The following ACSL5 variants were observed in gnomAD, a reference collection of about 807,000 sequenced individuals.
The protein encoded by ACSL5 is long-chain-fatty-acid--CoA ligase 5.
Under a neutral mutation model 84.9 loss-of-function variants are expected in ACSL5, and 50 were observed. The ratio of observed to expected loss-of-function variants is 0.59; its 90% confidence interval spans 0.47 to 0.75. The LOEUF (loss-of-function observed/expected upper bound fraction) is 0.75, where lower values mean the gene tolerates loss of function less well. Ranked by LOEUF, ACSL5 falls within the 30% of genes least tolerant of loss-of-function variation. The probability of loss-of-function intolerance (pLI) is 0.00; values close to 1 mark genes in which losing one functional copy is unlikely to be tolerated. For synonymous variants in ACSL5, 280 were observed against 300.7 expected, an observed-to-expected ratio of 0.93 and a Z score of 0.71; for missense variants, 775 against 830.4, an observed-to-expected ratio of 0.93 and a Z score of 0.82.
At chr10:112,422,302 C>A in intron 16 of ACSL5, 23 bp from the exon 17 acceptor site, 2 of 1,598,320 alleles carry the variant, frequency 1.3e-6, no homozygotes, top group Non-Finnish European at 1.7e-6. Context: ...CTATTGTCAC[C>A]GCCTTGTATG....
chr10:112,406,722 A>G (rs1844046670), intron 5 of ACSL5: 1 of 152,264 alleles, frequency 6.6e-6, no homozygotes, highest in Non-Finnish European at 1.5e-5. Context: ...ACAGTTCTGC[A>G]GTGCTGGGGA....
rs559285231 is a variant in ACSL5, at chr10:112,392,229, C to T, written c.-29-2689C>T. Among the ~76,000 whole-genome samples the T allele has an allele frequency of 1.4e-3, 218 of 151,428 alleles. 1 individual carries two copies. Among genetic ancestry groups the T allele is most frequent in the African/African-American group, 5.1e-3 (209 of 41,234 alleles). ...GCTCACACCTGTAATCCCAGCACTTCGGGAGGCCAAGGTGGGAGGACCACT... is the reference window on the plus strand; with the variant it reads ...GCTCACACCTGTAATCCCAGCACTTTGGGAGGCCAAGGTGGGAGGACCACT... On this transcript the variant is annotated intron_variant, in intron 1 of 20. Coordinates refer to ENST00000354655, the MANE Select transcript of ACSL5 (RefSeq NM_203379.2).
At position 112,386,181 on chromosome 10, in the gene ACSL5, C is replaced by CTTTTTTTTT. The variant is rs11286757; in HGVS notation, c.-29-8715_-29-8707dup. 5.8e-4 allele frequency among the ~76,000 whole-genome samples: 42 copies of CTTTTTTTTT among 71,832 alleles called. 1 individual carries two copies. The highest frequency in any genetic ancestry group is 2.3e-3 in the African/African-American group (41 of 17,758). The allele number at this position is 71,832 out of a possible 152,430, so 47.1% of individuals were successfully genotyped here. A position where few individuals can be genotyped will look rare whatever the true frequency, so the allele number is the denominator to read the frequency against. ...TGACCAATAGAAAACTCCTATAGCT[C>CTTTTTTTTT]TTTTTTTTTTTTTTTTTTTTTTTTT... is the stretch of plus-strand genomic sequence containing the variant. On this transcript the variant is annotated intron_variant, in intron 1 of 20. Coordinates refer to ENST00000354655, the MANE Select transcript of ACSL5 (RefSeq NM_203379.2).
intron 1 of ACSL5, among the ~76,000 whole-genome samples, chr10:112,390,655 A>AATAGATAGATAG (rs56390024): frequency 1.1e-3 from 170 of 149,570 alleles, no homozygotes; most frequent in Admixed American, 1.5e-3. Flanking sequence ...TAGATAGATA[A>AATAGATAGATAG]ATAGATAGAT....
rs1171140389 is a variant in ACSL5 at position 112,413,197 on chromosome 10, A to T, written c.973A>T (p.Arg325Ter). The T allele has an allele frequency of 6.2e-7, 1 of 1,614,208 alleles. No homozygotes were observed. The highest frequency in any genetic ancestry group is 2.2e-5 in the East Asian group (1 of 44,892). Reference sequence around the variant, plus strand: ...GGCTGTTGTGTACAGCTGTGGAGCCAGAGTTGGATTCTTCCAAGGGGATAT... The same window carrying T: ...GGCTGTTGTGTACAGCTGTGGAGCCTGAGTTGGATTCTTCCAAGGGGATAT... Reference protein sequence around the residue: ...VQAVVYSCGARVGFFQGDIRL... With the variant: ...VQAVVYSCGA Residue 325 changes from arginine (R) to a stop codon, truncating the protein, a stop_gained, in exon 12 of 21, where the codon AGA becomes TGA. Coordinates refer to ENST00000354655, the MANE Select transcript of ACSL5 (RefSeq NM_203379.2). LOFTEE classifies it high-confidence loss of function.
At position 112,409,602 on chromosome 10, in the gene ACSL5, A is replaced by C; in HGVS notation, c.628A>C (p.Ile210Leu). The C allele has an allele frequency of 6.2e-7, 1 of 1,614,200 alleles. No individual in the cohort carries two copies. Among genetic ancestry groups the C allele is most frequent in the Non-Finnish European group, 8.5e-7 (1 of 1,180,028 alleles). ...KGFTPSLKVI[I>L]LMDPFDDDLK... ...CTTCACCCCGAGCCTGAAGGTGATC[A>C]TCCTTATGGACCCCTTTGATGATGA... The change falls in exon 7 of 21, where the codon ATC becomes CTC. Residue 210 changes from isoleucine (I) to leucine (L), a missense_variant. Transcript: ENST00000354655.
At chr10:112,387,799 C>T (rs936528957) in intron 1 of ACSL5, among the ~76,000 whole-genome samples, 13 of 151,998 alleles carry the variant, frequency 8.6e-5, no homozygotes, top group Non-Finnish European at 1.8e-4. Context: ...CAAAAGAACA[C>T]AGAAATCAAT....
intron 13 of ACSL5, 87 bp downstream of exon 13, chr10:112,417,109 A>AGCG (rs1339204011): frequency 2.0e-5 from 29 of 1,448,106 alleles, no homozygotes; most frequent in Non-Finnish European, 2.7e-5. Context: ...CTGCTGCTTG[A>AGCG]GCGTCACTTT....
At chr10:112,404,954 G>T in intron 5 of ACSL5, 148 bp downstream of exon 5, 1 of 736,186 alleles carries the variant, frequency 1.4e-6, no homozygotes, top group Non-Finnish European at 2.2e-6. Context: ...ACTTGAAAGA[G>T]TTACCACTCA....
chr10:112,404,008 T>A (rs1300939749), intron 3 of ACSL5, among the ~76,000 whole-genome samples: 1 of 152,208 alleles, frequency 6.6e-6, no homozygotes, highest in Admixed American at 6.5e-5. Flanking sequence ...GGAATGAACA[T>A]AACTGTCAAA....
intron 1 of ACSL5, among the ~76,000 whole-genome samples, chr10:112,377,287 C>T (rs1352250409): frequency 6.6e-6 from 1 of 152,216 alleles, no homozygotes; most frequent in Non-Finnish European, 1.5e-5. Context: ...CACCTGTAAT[C>T]CCAGAACTCT....
chr10:112,379,391 G>A (rs1849304126), intron 1 of ACSL5, among the ~76,000 whole-genome samples: 1 of 142,780 alleles, frequency 7.0e-6, no homozygotes, highest in Non-Finnish European at 1.5e-5. Flanking sequence ...GGTGACAAGA[G>A]TGAAACTCCA....
intron 1 of ACSL5, among the ~76,000 whole-genome samples, chr10:112,382,866 T>C (rs1407441431): frequency 6.6e-6 from 1 of 152,228 alleles, no homozygotes; most frequent in Non-Finnish European, 1.5e-5. Context: ...ATTGAATCTT[T>C]CCATGGTGTG....
chr10:112,381,665 C>CAAA (rs35097669), intron 1 of ACSL5, among the ~76,000 whole-genome samples: 2 of 104,822 alleles, frequency 1.9e-5, no homozygotes, highest in Non-Finnish European at 1.9e-5. Flanking sequence ...GAGACTGTCT[C>CAAA]AAAAAAAAAA....
intron 9 of ACSL5, 41 bp downstream of exon 9, chr10:112,410,676 C>T (rs1425017368): frequency 6.3e-7 from 1 of 1,592,150 alleles, no homozygotes; most frequent in South Asian, 1.1e-5. Context: ...CCTGGTCAGC[C>T]AAGAACATGG....
In ACSL5 at chr10:112,390,702, T is replaced by A. The variant is rs537641040; in HGVS notation, c.-29-4216T>A. On this transcript the variant is annotated intron_variant, in intron 1 of 20. Coordinates refer to ENST00000354655, the MANE Select transcript of ACSL5 (RefSeq NM_203379.2). The stretch of plus-strand genomic sequence containing the variant: ...TAGATAGATAGATAGATAGATAGAG[T>A]GTAGTCTATCCATACAATGGGATAA... Among the ~76,000 whole-genome samples the A allele has an allele frequency of 2.1e-5, 3 of 145,532 alleles. No homozygotes were observed. The Admixed American group carries it at 2.1e-4, about 10-fold the overall frequency.
Position 112,426,357 on chromosome 10 carries a change from C to A in ACSL5, c.1837C>A (p.Gln613Lys). 1 of 1,613,656 alleles carries A rather than the reference C, an allele frequency of 6.2e-7. No homozygotes were observed. The highest frequency in any genetic ancestry group is 8.5e-7 in the Non-Finnish European group (1 of 1,179,690). The change falls in exon 19 of 21, where the codon CAA becomes AAA. Residue 613 changes from glutamine (Q) to lysine (K), a missense_variant and splice_region_variant. Physicochemically the swap from Gln to Lys is moderately conservative, Grantham distance 53. Transcript: ENST00000354655. The part of the protein sequence containing the change: ...KGSFEELCQN[Q>K]VVREAILEDL... ...CTCCTTTGAGGAACTGTGCCAAAAC[C>A]AAGTAAGTCTTGCCTAGGAAAGCTT...
At chr10:112,383,441 C>G (rs1389769431) in intron 1 of ACSL5, among the ~76,000 whole-genome samples, 2 of 152,222 alleles carry the variant, frequency 1.3e-5, no homozygotes, top group Non-Finnish European at 2.9e-5. Flanking sequence ...CTCAGGCCAT[C>G]CTTCCTTCTT....
intron 10 of ACSL5, among the ~76,000 whole-genome samples, 168 bp downstream of exon 10, chr10:112,411,697 A>T (rs904642972): frequency 6.6e-6 from 1 of 151,970 alleles, no homozygotes; most frequent in African/African-American, 2.4e-5. Flanking sequence ...TGTTTAGAGG[A>T]CTGTACATTT....
Sources: allele counts gnomAD v4.1 joint callset (sites outside exome capture counted in the v4.1 genomes callset), GRCh38; gene constraint gnomAD v4.1.1; transcripts MANE v1.5; gene names NCBI Gene and HGNC (gene_info 2026-07-23, HGNC 2026-07-21).